The following IGSF21 variants were observed in gnomAD, a reference collection of about 807,000 sequenced individuals.
IGSF21 encodes the protein immunoglobin superfamily member 21, also known as immunoglobulin superfamily member 21.
IGSF21 carries 28 observed loss-of-function variants against 46.8 expected under a neutral mutation model. That is an observed-to-expected ratio of 0.60 (90% CI 0.44 to 0.82). The LOEUF is 0.82. Among genes scored for constraint, IGSF21 ranks in the 40% least tolerant of loss-of-function variants. The pLI, the probability that IGSF21 is intolerant of heterozygous loss-of-function variation, is 0.00. For missense variants in IGSF21, 624 were observed against 665.5 expected (o/e 0.94, Z 0.69); for synonymous variants, 284 against 273.6 (o/e 1.04, Z -0.38).
chr1:18,163,120 C>T (rs1309801153), intron 1 of IGSF21, among the ~76,000 whole-genome samples: 7 of 152,062 alleles, frequency 4.6e-5, no homozygotes, highest in East Asian at 3.9e-4. Context: ...TGGCAGAGGC[C>T]GGGTATCGTA....
intron 1 of IGSF21, among the ~76,000 whole-genome samples, chr1:18,200,726 C>T (rs2087064590): frequency 6.6e-6 from 1 of 152,148 alleles, no homozygotes; most frequent in South Asian, 2.1e-4. Flanking sequence ...TTCAATGTAT[C>T]TTTTAGAGGG....
Position 18,108,093 on chromosome 1 carries a change from C to T in IGSF21, c.-36C>T. 1 of 1,121,152 alleles carries T rather than the reference C, an allele frequency of 8.9e-7. No homozygotes were observed. Among genetic ancestry groups the T allele is most frequent in the Non-Finnish European group, 1.2e-6 (1 of 833,564 alleles). 69.5% of individuals were successfully genotyped at this position (1,121,152 alleles called of 1,614,324 possible). A position where few individuals can be genotyped will look rare whatever the true frequency, so the allele number is the denominator to read the frequency against. ...GGACCCGCCGCCACCGCCTCCACCC[C>T]CGCCGCCCCGCCACCGCCGCCAGCT... On this transcript the variant is annotated 5_prime_UTR_variant, in exon 1 of 10. Transcript: ENST00000251296.
intron 2 of IGSF21, among the ~76,000 whole-genome samples, chr1:18,247,002 G>A (rs1452559732): frequency 2.6e-5 from 4 of 152,052 alleles, no homozygotes; most frequent in Non-Finnish European, 4.4e-5. Context: ...GAAAACTGAG[G>A]CGCAGAGACG....
chr1:18,248,779 TA>T (rs901434852), intron 2 of IGSF21, among the ~76,000 whole-genome samples: 3 of 152,084 alleles, frequency 2.0e-5, no homozygotes. Flanking sequence ...TTGCTGAGAC[TA>T]AATATAGCGT....
chr1:18,202,294 G>A (rs2087083333), intron 1 of IGSF21, among the ~76,000 whole-genome samples: 1 of 152,198 alleles, frequency 6.6e-6, no homozygotes, highest in Non-Finnish European at 1.5e-5. Flanking sequence ...GGCACAGGAG[G>A]ACGGCTCAAG....
intron 2 of IGSF21, among the ~76,000 whole-genome samples, chr1:18,230,705 T>C (rs995638290): frequency 6.6e-5 from 10 of 152,024 alleles, no homozygotes; most frequent in Non-Finnish European, 1.3e-4. Context: ...TCTCTAGTGA[T>C]TGTCTCTCTT....
intron 3 of IGSF21, among the ~76,000 whole-genome samples, chr1:18,317,867 C>T (rs1557640940): frequency 2.0e-5 from 3 of 152,216 alleles, no homozygotes; most frequent in Admixed American, 2.0e-4. Context: ...GAGAAAAGTA[C>T]TCTCATTACC....
chr1:18,331,415 A>T (rs2085711923), intron 3 of IGSF21, among the ~76,000 whole-genome samples: 1 of 152,222 alleles, frequency 6.6e-6, no homozygotes, highest in African/African-American at 2.4e-5. Context: ...AATTCCATCC[A>T]GGTTGCTGTG....
intron 1 of IGSF21, among the ~76,000 whole-genome samples, chr1:18,116,116 A>G (rs2086188064): frequency 1.3e-5 from 2 of 152,144 alleles, no homozygotes; most frequent in Non-Finnish European, 2.9e-5. Context: ...CCAGATTCAC[A>G]CCCAGGCATT....
chr1:18,333,289 G>A (rs558635824), intron 3 of IGSF21, among the ~76,000 whole-genome samples: 1 of 152,314 alleles, frequency 6.6e-6, no homozygotes, highest in African/African-American at 2.4e-5. Flanking sequence ...AGCCAGAATA[G>A]GCTGGAACTC....
At chr1:18,357,629 G>A (rs115239068) in intron 4 of IGSF21, among the ~76,000 whole-genome samples, 2,445 of 152,202 alleles carry the variant, frequency 0.016, 25 homozygotes, top group Non-Finnish European at 0.025. Context: ...CAGGAATGCC[G>A]TACTTGGTCA....
chr1:18,278,531 T>TTTTGTTTGTTTG (rs201958803), intron 2 of IGSF21, among the ~76,000 whole-genome samples: 42 of 140,786 alleles, frequency 3.0e-4, no homozygotes, highest in Admixed American at 6.5e-4. Context: ...GTAAGGTTTT[T>TTTTGTTTGTTTG]TTTGTTTGTT....
At chr1:18,368,781 C>A (rs995359546) in intron 6 of IGSF21, among the ~76,000 whole-genome samples, 1 of 152,140 alleles carries the variant, frequency 6.6e-6, no homozygotes, top group African/African-American at 2.4e-5. Flanking sequence ...TGGCTTCCAG[C>A]GGGGTGGCAC....
At chr1:18,259,632 G>T (rs776311916) in intron 2 of IGSF21, among the ~76,000 whole-genome samples, 1 of 152,176 alleles carries the variant, frequency 6.6e-6, no homozygotes, top group Non-Finnish European at 1.5e-5. Flanking sequence ...ATATAAAGAA[G>T]AGAGAGAGAA....
intron 4 of IGSF21, among the ~76,000 whole-genome samples, chr1:18,352,576 C>A (rs894014730): frequency 6.6e-6 from 1 of 152,194 alleles, no homozygotes; most frequent in African/African-American, 2.4e-5. Flanking sequence ...AGATCCAACA[C>A]AAGACGTCTG....
intron 1 of IGSF21, among the ~76,000 whole-genome samples, chr1:18,221,502 G>A (rs921634925): frequency 7.9e-5 from 12 of 152,270 alleles, no homozygotes; most frequent in South Asian, 4.2e-4. Flanking sequence ...GAGTGATGTC[G>A]GGATGTTGCC....
At chr1:18,321,773 TGAG>T (rs1449051453) in intron 3 of IGSF21, among the ~76,000 whole-genome samples, 1 of 152,190 alleles carries the variant, frequency 6.6e-6, no homozygotes, top group African/African-American at 2.4e-5. Context: ...TATCTGAATT[TGAG>T]GAGGACACAG....
At position 18,378,445 on chromosome 1, in the gene IGSF21, C is replaced by A; in HGVS notation, c.*119C>A. ...CTTTCCATCTGTGTCTTGGCTTCTT[C>A]AGTCGGTTTAATTAAAACAAACAGA... On this transcript the variant is annotated 3_prime_UTR_variant, in exon 10 of 10. Coordinates refer to ENST00000251296, the MANE Select transcript of IGSF21 (RefSeq NM_032880.5). The A allele has an allele frequency of 1.2e-6, 1 of 843,708 alleles. No homozygotes were observed. Among genetic ancestry groups the A allele is most frequent in the Non-Finnish European group, 1.8e-6 (1 of 541,908 alleles). The allele number at this position is 843,708 out of a possible 1,614,324, so 52.3% of individuals were successfully genotyped here. A position where few individuals can be genotyped will look rare whatever the true frequency, so the allele number is the denominator to read the frequency against.
At chr1:18,122,421 C>T (rs111315509) in intron 1 of IGSF21, among the ~76,000 whole-genome samples, 7 of 151,888 alleles carry the variant, frequency 4.6e-5, no homozygotes, top group African/African-American at 1.7e-4. Context: ...AAACTCCTGA[C>T]CTCAAGTGAT....
Sources: gnomAD v4.1 joint callset for allele counts (sites outside exome capture counted in the v4.1 genomes callset) on GRCh38, gnomAD v4.1.1 for gene constraint, MANE v1.5 for transcripts, NCBI Gene and HGNC (gene_info 2026-07-23, HGNC 2026-07-21) for gene names.